The following PDE12 variants were observed in gnomAD, a reference collection of about 807,000 sequenced individuals.
PDE12 encodes phosphodiesterase 12.
A neutral mutation model predicts 45.4 loss-of-function variants in PDE12; 26 were observed. The ratio of observed to expected loss-of-function variants is 0.57; its 90% CI spans 0.42 to 0.79. PDE12 has a LOEUF of 0.79. Ranked by LOEUF, PDE12 falls within the 30% of genes least tolerant of loss-of-function variation. The probability of loss-of-function intolerance (pLI) is 0.00; values close to 1 mark genes in which losing one functional copy is unlikely to be tolerated. For missense variants in PDE12, 668 were observed against 790.0 expected, an observed-to-expected ratio of 0.85 and a Z score of 1.85; for synonymous variants, 283 against 323.9, an observed-to-expected ratio of 0.87 and a Z score of 1.36.
the PDE12 span, among the ~76,000 whole-genome samples, chr3:57,587,313 C>T: frequency 4.7e-5 from 5 of 105,436 alleles, no homozygotes; most frequent in African/African-American, 1.9e-4. Context: ...GAGCGGAACT[C>T]AGTCTCAAAA....
At chr3:57,603,997 T>C in the PDE12 span, among the ~76,000 whole-genome samples, 25 of 151,230 alleles carry the variant, frequency 1.7e-4, no homozygotes, top group Admixed American at 1.6e-3. Context: ...CGACCTCAGC[T>C]TACTGCAGCC....
the PDE12 span, among the ~76,000 whole-genome samples, chr3:57,616,577 G>C: frequency 1.3e-5 from 2 of 152,166 alleles, no homozygotes; most frequent in Non-Finnish European, 2.9e-5. Context: ...TAAAAATGTA[G>C]TTAAACACCA....
chr3:57,632,022 T>C, the PDE12 span, among the ~76,000 whole-genome samples: 1 of 66,434 alleles, frequency 1.5e-5, no homozygotes, highest in Admixed American at 1.7e-4. Flanking sequence ...GCGCCCGGCC[T>C]TTTTTTTTTT....
downstream of PDE12, among the ~76,000 whole-genome samples, chr3:57,568,576 T>C (rs866866089): frequency 1.1e-4 from 17 of 151,080 alleles, no homozygotes; most frequent in Admixed American, 4.0e-4. Flanking sequence ...CCACAAAAGA[T>C]ACACTTCTTT....
At chr3:57,626,993 G>A in the PDE12 span, 1 of 151,902 alleles carries the variant, frequency 6.6e-6, no homozygotes, top group African/African-American at 2.4e-5. Flanking sequence ...ACTCAAATAA[G>A]TATCACATAA....
chr3:57,636,022 C>T, the PDE12 span, among the ~76,000 whole-genome samples: 1 of 152,114 alleles, frequency 6.6e-6, no homozygotes, highest in African/African-American at 2.4e-5. Flanking sequence ...CCCTAGCTTA[C>T]TTTATTATAA....
downstream of PDE12, among the ~76,000 whole-genome samples, chr3:57,570,376 CT>C (rs1241352591): frequency 1.2e-3 from 149 of 128,890 alleles, no homozygotes; most frequent in East Asian, 3.6e-3. Flanking sequence ...ACACCAGACC[CT>C]TTTTTTTTTT....
the PDE12 span, among the ~76,000 whole-genome samples, chr3:57,611,984 A>T: frequency 1.3e-5 from 2 of 152,122 alleles, no homozygotes; most frequent in South Asian, 2.1e-4. Context: ...AAGACTTGGA[A>T]CCAACCCAAA....
At chr3:57,649,826 C>A in the PDE12 span, among the ~76,000 whole-genome samples, 1 of 140,760 alleles carries the variant, frequency 7.1e-6, no homozygotes, top group Admixed American at 7.4e-5. Flanking sequence ...CCCATGGATA[C>A]CCTCCTGTCT....
chr3:57,606,288 G>T, the PDE12 span, among the ~76,000 whole-genome samples: 1 of 152,132 alleles, frequency 6.6e-6, no homozygotes, highest in East Asian at 1.9e-4. Flanking sequence ...GGGTGACATC[G>T]TATTTCTCAC....
chr3:57,629,177 C>A, the PDE12 span, among the ~76,000 whole-genome samples: 1 of 152,162 alleles, frequency 6.6e-6, no homozygotes, highest in Non-Finnish European at 1.5e-5. Context: ...CAAACTGTAA[C>A]AGTAACCCCC....
the PDE12 span, among the ~76,000 whole-genome samples, chr3:57,588,211 T>C: frequency 6.6e-6 from 1 of 152,226 alleles, no homozygotes; most frequent in Non-Finnish European, 1.5e-5. Context: ...CTGGAATACT[T>C]GTTCTCCTTA....
At chr3:57,597,190 C>G in the PDE12 span, 1 of 1,552,942 alleles carries the variant, frequency 6.4e-7, no homozygotes, top group Admixed American at 1.7e-5. Context: ...TTTGGGGCGA[C>G]CCCGTGCTTT....
At chr3:57,634,511 A>G in the PDE12 span, 8 of 1,092,764 alleles carry the variant, frequency 7.3e-6, no homozygotes, top group Non-Finnish European at 1.0e-5. Context: ...TGGATATTAC[A>G]TACCTGAACA....
chr3:57,577,157 A>G, the PDE12 span, among the ~76,000 whole-genome samples: 1 of 152,140 alleles, frequency 6.6e-6, no homozygotes, highest in African/African-American at 2.4e-5. Flanking sequence ...TTTGAAGTAC[A>G]TTATTAAGAA....
chr3:57,640,706 T>C, the PDE12 span, among the ~76,000 whole-genome samples: 1 of 152,138 alleles, frequency 6.6e-6, no homozygotes. Context: ...AAGGAGAAAA[T>C]AGTCAGTAGT....
chr3:57,573,156 C>T, the PDE12 span, among the ~76,000 whole-genome samples: 6 of 147,546 alleles, frequency 4.1e-5, no homozygotes, highest in Non-Finnish European at 7.4e-5. Flanking sequence ...GAGCCGAGAT[C>T]GTGCCACAGC....
At chr3:57,607,995 G>C in the PDE12 span, among the ~76,000 whole-genome samples, 3 of 152,030 alleles carry the variant, frequency 2.0e-5, no homozygotes, top group Non-Finnish European at 4.4e-5. Context: ...GAGAAAGGTC[G>C]GGTTACTCAC....
At chr3:57,630,643 T>G in the PDE12 span, 2 of 1,549,514 alleles carry the variant, frequency 1.3e-6, no homozygotes, top group Non-Finnish European at 1.7e-6. Context: ...AGAATAAGCT[T>G]AAGTTTAGCT....
Sources: allele counts gnomAD v4.1 joint callset (sites outside exome capture counted in the v4.1 genomes callset), GRCh38; gene constraint gnomAD v4.1.1; transcripts MANE v1.5; gene names NCBI Gene and HGNC (gene_info 2026-07-23, HGNC 2026-07-21).